DMD: variants seen among roughly 807,000 people sequenced by gnomAD.
The protein encoded by DMD is dystrophin.
In DMD, 63 loss-of-function variants were observed where a neutral mutation model predicts 330.1. The observed-to-expected ratio is 0.19, with a 90% CI of 0.16 to 0.24. The LOEUF (loss-of-function observed/expected upper bound fraction) is 0.24, where lower values mean the gene tolerates loss of function less well. DMD is among the 10% of genes least tolerant of loss of function. The probability of loss-of-function intolerance (pLI) is 1.00; values close to 1 mark genes in which losing one functional copy is unlikely to be tolerated. For missense variants in DMD, 3,344 were observed against 2,684.1 expected (o/e 1.25, Z -5.43); for synonymous variants, 1,223 against 959.8 (o/e 1.27, Z -5.07).
chrX:33,183,596 C>T (rs192253914), intron 1 of DMD, among the ~76,000 whole-genome samples: 160 of 111,538 alleles, frequency 1.4e-3, no homozygotes, highest in Non-Finnish European at 2.4e-3. Context: ...TGAACCAGGA[C>T]TCCACCAGCC....
intron 1 of DMD, among the ~76,000 whole-genome samples, chrX:33,080,974 T>TCACACACACACA (rs763162216): frequency 0.053 from 4,896 of 92,606 alleles, 138 homozygotes; most frequent in African/African-American, 0.083. Context: ...TTTATAAACA[T>TCACACACACACA]CACACACACA....
intron 44 of DMD, among the ~76,000 whole-genome samples, chrX:31,988,649 T>G (rs2095528476): frequency 9.1e-6 from 1 of 110,377 alleles, no homozygotes; most frequent in Non-Finnish European, 1.9e-5. Flanking sequence ...AATTGTGACT[T>G]TCATACATTA....
In DMD at chrX:33,168,556, T is replaced by G. The variant is rs73621886; in HGVS notation, c.31+42726A>C. ...ACCCTATTTAGAAACGTCAAGGAAA[T>G]TAAACATATTAAAGAGATATTGGTG... On this transcript the variant is annotated intron_variant, in intron 1 of 78. Transcript: ENST00000357033. Among the ~76,000 whole-genome samples the G allele has an allele frequency of 9.0e-3, 992 of 110,366 alleles. 9 individuals are homozygous for G. Among genetic ancestry groups the G allele is most frequent in the African/African-American group, 0.031 (943 of 30,539 alleles).
At chrX:31,761,075 C>T (rs1175630945) in intron 51 of DMD, among the ~76,000 whole-genome samples, 3 of 108,628 alleles carry the variant, frequency 2.8e-5, no homozygotes, top group African/African-American at 1.0e-4. Flanking sequence ...TTAGTAGAGA[C>T]GTGGTTTCAC....
At chrX:32,342,821 C>G in intron 40 of DMD, 1 of 370,086 alleles carries the variant, frequency 2.7e-6, no homozygotes, top group South Asian at 2.6e-5. Context: ...AGTAAGAAGT[C>G]GTCCATATAC....
intron 7 of DMD, among the ~76,000 whole-genome samples, chrX:32,804,982 G>A (rs1331484164): frequency 2.7e-5 from 3 of 111,887 alleles, no homozygotes; most frequent in Admixed American, 9.5e-5. Flanking sequence ...AAGATCAAAG[G>A]TAGATAAATC....
intron 60 of DMD, among the ~76,000 whole-genome samples, chrX:31,409,884 T>C: frequency 1.8e-5 from 2 of 112,069 alleles, no homozygotes; most frequent in Middle Eastern, 9.2e-3. Flanking sequence ...AGTGACACGA[T>C]CTCTGCTCAC....
intron 2 of DMD, among the ~76,000 whole-genome samples, chrX:32,916,062 T>TATTC (rs918044244): frequency 6.1e-4 from 68 of 111,526 alleles, no homozygotes; most frequent in Middle Eastern, 9.6e-3. Flanking sequence ...CTACTTCTAG[T>TATTC]ATTCAGAAGA....
At chrX:32,907,593 T>G (rs969904345) in intron 2 of DMD, among the ~76,000 whole-genome samples, 1 of 111,770 alleles carries the variant, frequency 8.9e-6, no homozygotes, top group African/African-American at 3.2e-5. Context: ...GCTTTGTATT[T>G]CATAATTTGG....
intron 2 of DMD, among the ~76,000 whole-genome samples, chrX:32,855,030 C>CA (rs2081428488): frequency 9.0e-6 from 1 of 111,441 alleles, no homozygotes; most frequent in South Asian, 3.7e-4. Context: ...TCACCATATG[C>CA]AAAAAATCAA....
At chrX:32,242,536 G>A (rs1233925890) in intron 43 of DMD, among the ~76,000 whole-genome samples, 4 of 111,303 alleles carry the variant, frequency 3.6e-5, no homozygotes, top group African/African-American at 1.3e-4. Context: ...AATAATGGAA[G>A]CACTAGAAGG....
intron 44 of DMD, among the ~76,000 whole-genome samples, chrX:32,166,618 A>G (rs1471131269): frequency 8.9e-6 from 1 of 111,786 alleles, no homozygotes; most frequent in Non-Finnish European, 1.9e-5. Context: ...GAGCTCCTTG[A>G]AAGGACAGCG....
At chrX:32,764,992 A>C (rs1248370363) in intron 7 of DMD, among the ~76,000 whole-genome samples, 1 of 105,425 alleles carries the variant, frequency 9.5e-6, no homozygotes, top group Non-Finnish European at 1.9e-5. Context: ...TAAAATAATC[A>C]TCATCCTAAT....
intron 4 of DMD, among the ~76,000 whole-genome samples, chrX:32,836,212 A>G (rs1442048404): frequency 2.9e-5 from 3 of 104,345 alleles, no homozygotes; most frequent in African/African-American, 1.0e-4. Context: ...TTTTTTTTTT[A>G]GTAGAGACGG....
At chrX:32,923,574 A>C (rs1054567145) in intron 2 of DMD, among the ~76,000 whole-genome samples, 2 of 111,023 alleles carry the variant, frequency 1.8e-5, no homozygotes, top group Non-Finnish European at 3.8e-5. Context: ...AAACAAAAAC[A>C]AAAACAAAAA....
intron 62 of DMD, among the ~76,000 whole-genome samples, chrX:31,301,094 G>A (rs1324597112): frequency 9.0e-6 from 1 of 111,651 alleles, no homozygotes; most frequent in Non-Finnish European, 1.9e-5. Context: ...GCCTGAGAGT[G>A]TGAAGATCCT....
intron 51 of DMD, among the ~76,000 whole-genome samples, chrX:31,763,846 T>C (rs1170243981): frequency 1.8e-5 from 2 of 109,728 alleles, no homozygotes; most frequent in Non-Finnish European, 3.9e-5. Flanking sequence ...AAATATATCC[T>C]CATTTTTATT....
rs144292790 is a variant in DMD at position 32,748,424 on chromosome X, A to G, written c.650-49131T>C. ...AGGGTGGGGCATTTAATCCTGTTAT[A>G]CAGATAAGAAAACTGAGGAGCAAAA... is the stretch of plus-strand genomic sequence containing the variant. On this transcript the variant is annotated intron_variant, in intron 7 of 78. Transcript: ENST00000357033. 5.3e-3 allele frequency among the ~76,000 whole-genome samples: 593 copies of G among 111,164 alleles called. 10 individuals are homozygous for G. The highest frequency in any genetic ancestry group is 0.047 in the East Asian group (165 of 3,512).
At chrX:32,848,120 G>T (rs910013024) in intron 3 of DMD, among the ~76,000 whole-genome samples, 1 of 111,561 alleles carries the variant, frequency 9.0e-6, no homozygotes, top group Admixed American at 9.5e-5. Context: ...TGCAACACAG[G>T]AGAAGTGATC....
Sources: allele counts gnomAD v4.1 joint callset (sites outside exome capture counted in the v4.1 genomes callset), GRCh38; gene constraint gnomAD v4.1.1; transcripts MANE v1.5; gene names NCBI Gene and HGNC (gene_info 2026-07-23, HGNC 2026-07-21).